Variants in TAF1B observed in about 807,000 individuals in gnomAD.
TAF1B encodes the protein TATA box-binding protein-associated factor RNA polymerase I subunit B.
TAF1B carries 61 observed loss-of-function variants against 83.9 expected under a neutral mutation model. The ratio of observed to expected loss-of-function variants is 0.73; its 90% CI spans 0.59 to 0.90. The LOEUF is 0.90. TAF1B is among the 40% of genes least tolerant of loss of function. TAF1B has a pLI of 0.00. For synonymous variants in TAF1B, 221 were observed against 224.6 expected, an observed-to-expected ratio of 0.98 and a Z score of 0.14; for missense variants, 625 against 677.0, an observed-to-expected ratio of 0.92 and a Z score of 0.85.
chr2:9,867,912 A>G (rs1664043063), intron 5 of TAF1B, among the ~76,000 whole-genome samples: 1 of 152,176 alleles, frequency 6.6e-6, no homozygotes, highest in Non-Finnish European at 1.5e-5. Flanking sequence ...AAAGATACAA[A>G]GCAAAAATTC....
chr2:9,918,198 T>C (rs531087938), intron 12 of TAF1B, among the ~76,000 whole-genome samples: 7 of 152,354 alleles, frequency 4.6e-5, no homozygotes, highest in African/African-American at 1.7e-4. Flanking sequence ...AAAATTATTA[T>C]AAGTTATGAA....
intron 11 of TAF1B, among the ~76,000 whole-genome samples, chr2:9,912,853 C>T (rs1665574603): frequency 1.3e-5 from 2 of 152,192 alleles, no homozygotes; most frequent in African/African-American, 4.8e-5. Context: ...GCTGTATGGT[C>T]TACAAGGTCA....
intron 7 of TAF1B, among the ~76,000 whole-genome samples, chr2:9,877,146 C>T (rs1006772946): frequency 6.6e-6 from 1 of 152,184 alleles, no homozygotes; most frequent in African/African-American, 2.4e-5. Context: ...TGGGTGATCT[C>T]ATCTTTTCCC....
At chr2:9,848,040 G>GT (rs1427605554) in intron 2 of TAF1B, among the ~76,000 whole-genome samples, 1 of 152,036 alleles carries the variant, frequency 6.6e-6, no homozygotes, top group Non-Finnish European at 1.5e-5. Context: ...ATTTTTTCAG[G>GT]TTTTTTGCTC....
chr2:9,862,799 T>C (rs1275322552), intron 5 of TAF1B, among the ~76,000 whole-genome samples: 1 of 152,192 alleles, frequency 6.6e-6, no homozygotes, highest in Non-Finnish European at 1.5e-5. Flanking sequence ...TCAACATTCT[T>C]AAAGAAAAGA....
At chr2:9,926,751 A>G (rs557514123) in intron 14 of TAF1B, among the ~76,000 whole-genome samples, 53 of 149,548 alleles carry the variant, frequency 3.5e-4, no homozygotes, top group Admixed American at 1.1e-3. Flanking sequence ...AGGCAGGAGA[A>G]TCACTTGAAC....
chr2:9,900,819 G>A (rs1665158964), intron 8 of TAF1B, among the ~76,000 whole-genome samples: 2 of 152,082 alleles, frequency 1.3e-5, no homozygotes, highest in South Asian at 4.1e-4. Flanking sequence ...TTAAAATTTA[G>A]GGATGTGGAA....
rs149008287 is a variant in TAF1B, at chr2:9,889,924, G to T, written c.807+7119G>T. On this transcript the variant is annotated intron_variant, in intron 8 of 14. Coordinates refer to ENST00000263663, the MANE Select transcript of TAF1B (RefSeq NM_005680.3). Reference sequence around the variant, plus strand: ...AGCTTTGGAAATTGTTTGCTCTACTGCTTTCCTGTTATTTTTTTCCCTGGC... The same window carrying T: ...AGCTTTGGAAATTGTTTGCTCTACTTCTTTCCTGTTATTTTTTTCCCTGGC... 7.9e-3 allele frequency among the ~76,000 whole-genome samples: 1,203 copies of T among 152,290 alleles called. 21 individuals are homozygous for T. The highest frequency in any genetic ancestry group is 0.028 in the African/African-American group (1,145 of 41,576).
chr2:9,879,243 A>G (rs1019634484), intron 7 of TAF1B, among the ~76,000 whole-genome samples: 3 of 152,214 alleles, frequency 2.0e-5, no homozygotes, highest in Non-Finnish European at 4.4e-5. Flanking sequence ...TGGTACTACT[A>G]CTCTTGAGCT....
At chr2:9,866,555 A>G (rs781291808) in intron 5 of TAF1B, among the ~76,000 whole-genome samples, 6 of 152,218 alleles carry the variant, frequency 3.9e-5, no homozygotes, top group Non-Finnish European at 7.3e-5. Context: ...AGAACTAGAA[A>G]TACCATTTGA....
intron 7 of TAF1B, among the ~76,000 whole-genome samples, chr2:9,878,219 CTT>C (rs35740852): frequency 4.2e-4 from 60 of 143,168 alleles, no homozygotes; most frequent in Non-Finnish European, 5.5e-4. Flanking sequence ...GATTCTTCTT[CTT>C]TTTTTTTTTT....
At chr2:9,905,680 C>T (rs531421123) in intron 9 of TAF1B, among the ~76,000 whole-genome samples, 7 of 148,590 alleles carry the variant, frequency 4.7e-5, no homozygotes, top group South Asian at 2.2e-4. Flanking sequence ...AAAATACAAA[C>T]GTGGTGTGAC....
intron 8 of TAF1B, among the ~76,000 whole-genome samples, chr2:9,897,088 A>G (rs964930687): frequency 1.3e-5 from 2 of 152,158 alleles, no homozygotes; most frequent in African/African-American, 2.4e-5. Context: ...TTGAAGCCCT[A>G]TTTACTTCTA....
chr2:9,862,934 C>T (rs951257250), intron 5 of TAF1B, among the ~76,000 whole-genome samples: 3 of 152,060 alleles, frequency 2.0e-5, no homozygotes, highest in African/African-American at 7.2e-5. Flanking sequence ...TAAAAGAGCT[C>T]CTGAAGGAAG....
chr2:9,867,743 T>A (rs1018303483), intron 5 of TAF1B, among the ~76,000 whole-genome samples: 1 of 152,180 alleles, frequency 6.6e-6, no homozygotes, highest in African/African-American at 2.4e-5. Context: ...TGAGATAGTA[T>A]ATCCTTGTTG....
chr2:9,896,268 T>G (rs535038536), intron 8 of TAF1B, among the ~76,000 whole-genome samples: 184 of 152,324 alleles, frequency 1.2e-3, no homozygotes, highest in African/African-American at 4.2e-3. Flanking sequence ...TTCAGATGAC[T>G]GTTGATTTAA....
At chr2:9,843,970 C>G (rs1005610951) in intron 1 of TAF1B, among the ~76,000 whole-genome samples, 91 of 151,956 alleles carry the variant, frequency 6.0e-4, no homozygotes, top group Admixed American at 2.8e-3. Context: ...CTGTCGGTCT[C>G]TCCGGGAATC....
At chr2:9,868,552 G>GTCATTCTTCCTTGCTA in intron 6 of TAF1B, 123 bp downstream of exon 6, 12 of 1,346,794 alleles carry the variant, frequency 8.9e-6, no homozygotes, top group Non-Finnish European at 1.1e-5. Flanking sequence ...AATCTAGCAA[G>GTCATTCTTCCTTGCTA]GAAGAATGAC....
intron 5 of TAF1B, among the ~76,000 whole-genome samples, chr2:9,859,647 A>T (rs1199926053): frequency 1.3e-5 from 2 of 152,120 alleles, no homozygotes; most frequent in South Asian, 2.1e-4. Flanking sequence ...CCACCTCTCA[A>T]AGTGCTGAGA....
Sources: allele counts gnomAD v4.1 joint callset (sites outside exome capture counted in the v4.1 genomes callset), GRCh38; gene constraint gnomAD v4.1.1; transcripts MANE v1.5; gene names NCBI Gene and HGNC (gene_info 2026-07-23, HGNC 2026-07-21).